The following PDE4DIP variants were observed in gnomAD, a reference collection of about 807,000 sequenced individuals.
PDE4DIP encodes phosphodiesterase 4D interacting protein.
In PDE4DIP, 59 loss-of-function variants were observed where a neutral mutation model predicts 221.4. That is an observed-to-expected ratio of 0.27 (90% CI 0.22 to 0.33). The LOEUF is 0.33. Among genes scored for constraint, PDE4DIP ranks in the 10% least tolerant of loss-of-function variants. The pLI, the probability that PDE4DIP is intolerant of heterozygous loss-of-function variation, is 1.00. For synonymous variants in PDE4DIP, 404 were observed against 815.9 expected (o/e 0.50, Z 8.60); for missense variants, 1,036 against 2,154.2 (o/e 0.48, Z 10.28).
chr1:148,952,055 G>A, intron 5 of PDE4DIP: 1 of 1,011,754 alleles, frequency 9.9e-7, no homozygotes, highest in Non-Finnish European at 1.2e-6. Context: ...CACTGTCCGA[G>A]AATGCAGGGA....
chr1:148,866,628 G>GGGA (rs1686900855), intron 2 of PDE4DIP: 1 of 39,058 alleles, frequency 2.6e-5, no homozygotes, highest in Non-Finnish European at 5.1e-5. Context: ...GAGGGAGGGA[G>GGGA]GGGGAAGGGA....
At chr1:148,929,467 T>C (rs587757674) in intron 2 of PDE4DIP, 194 bp downstream of exon 5, 1 of 714,234 alleles carries the variant, frequency 1.4e-6, no homozygotes, top group East Asian at 3.2e-5. Context: ...AGATGGACCT[T>C]GTCATAAGTT....
chr1:148,824,329 A>G (rs1470400925), intron 1 of PDE4DIP, among the ~76,000 whole-genome samples: 2 of 150,472 alleles, frequency 1.3e-5, no homozygotes, highest in Non-Finnish European at 3.0e-5. Flanking sequence ...TGCTTATAAC[A>G]TGGTAGCTTA....
intron 21 of PDE4DIP, chr1:148,982,242 C>G (rs2061240460): frequency 6.6e-6 from 1 of 152,162 alleles, no homozygotes; most frequent in African/African-American, 2.4e-5. Flanking sequence ...AATGGTCTTC[C>G]AGAGTCAGAA....
At chr1:148,994,690 C>T (rs587681880) in intron 22 of PDE4DIP, among the ~76,000 whole-genome samples, 6 of 151,728 alleles carry the variant, frequency 4.0e-5, no homozygotes, top group Admixed American at 6.6e-5. Flanking sequence ...TGAAAATTTA[C>T]TCTTATTTTG....
chr1:149,009,729 A>C, exon 30 of PDE4DIP: 1 of 1,614,058 alleles, frequency 6.2e-7, no homozygotes. Context: ...GCCTGCTCTG[A>C]CATGGACATA....
intron 17 of PDE4DIP, 29 bp from the exon 21 acceptor site, chr1:148,977,908 A>G: frequency 6.2e-7 from 1 of 1,606,660 alleles, no homozygotes; most frequent in African/African-American, 1.3e-5. Flanking sequence ...AAATGTAAAC[A>G]TGGCAGACAT....
At chr1:148,948,332 A>G (rs1553485073) in intron 5 of PDE4DIP, among the ~76,000 whole-genome samples, 1 of 152,156 alleles carries the variant, frequency 6.6e-6, no homozygotes, top group Non-Finnish European at 1.5e-5. Context: ...CCTTCCTCCA[A>G]TCATAAGTGT....
chr1:148,963,204 T>C (rs2057358097), intron 9 of PDE4DIP, among the ~76,000 whole-genome samples: 1 of 152,362 alleles, frequency 6.6e-6, no homozygotes, highest in Non-Finnish European at 1.5e-5. Context: ...TTTATTGTTA[T>C]TGTTAATCTG....
At chr1:149,019,943 A>G (rs2072116425) in intron 35 of PDE4DIP, among the ~76,000 whole-genome samples, 1 of 152,124 alleles carries the variant, frequency 6.6e-6, no homozygotes, top group Admixed American at 6.5e-5. Flanking sequence ...AGATTAAATA[A>G]GTGGCATGAA....
chr1:148,975,813 G>C (rs1210048220), intron 17 of PDE4DIP, among the ~76,000 whole-genome samples: 3 of 152,086 alleles, frequency 2.0e-5, no homozygotes, highest in Admixed American at 6.5e-5. Flanking sequence ...ATTCAGTTTA[G>C]CTAGCTAGTC....
chr1:148,822,657 G>A (rs1475287422), intron 1 of PDE4DIP, among the ~76,000 whole-genome samples: 2 of 140,010 alleles, frequency 1.4e-5, no homozygotes, highest in African/African-American at 5.1e-5. Flanking sequence ...ATTTGCTAGA[G>A]CAGCCTCATA....
intron 22 of PDE4DIP, 89 bp from the exon 26 acceptor site, chr1:148,998,053 TG>T (rs2064719074): frequency 1.4e-6 from 1 of 740,430 alleles, no homozygotes. Flanking sequence ...TGTTTGTTTT[TG>T]TTCTCATTTA....
At chr1:148,991,541 A>T (rs587656489) in intron 21 of PDE4DIP, 1 of 984,638 alleles carries the variant, frequency 1.0e-6, no homozygotes, top group Non-Finnish European at 1.2e-6. Flanking sequence ...CATATTATGG[A>T]AGAGAAAGTT....
intron 1 of PDE4DIP, among the ~76,000 whole-genome samples, chr1:148,820,721 G>T (rs868925876): frequency 2.0e-5 from 3 of 148,658 alleles, no homozygotes; most frequent in East Asian, 1.9e-4. Context: ...TTTTGGGGGG[G>T]GGGTGGCTAG....
At chr1:148,972,716 T>C in intron 16 of PDE4DIP, 124 bp downstream of exon 19, 1 of 528,904 alleles carries the variant, frequency 1.9e-6, no homozygotes, top group Non-Finnish European at 3.3e-6. Flanking sequence ...AACAAATAAG[T>C]TTGGAATTCC....
intron 37 of PDE4DIP, among the ~76,000 whole-genome samples, chr1:149,022,482 T>G (rs2073315239): frequency 6.6e-6 from 1 of 152,242 alleles, no homozygotes; most frequent in Non-Finnish European, 1.5e-5. Context: ...GAAGTTAGAT[T>G]AGAATTATCA....
chr1:148,964,073 T>TTC (rs371359875), intron 9 of PDE4DIP, among the ~76,000 whole-genome samples: 1 of 149,910 alleles, frequency 6.7e-6, no homozygotes, highest in Non-Finnish European at 1.5e-5. Flanking sequence ...CTTTCCTTCT[T>TTC]TCTCTCTCTC....
chr1:148,948,778 T>C (rs868925695), intron 5 of PDE4DIP, among the ~76,000 whole-genome samples: 2 of 151,554 alleles, frequency 1.3e-5, no homozygotes, highest in East Asian at 3.9e-4. Flanking sequence ...CAAAACAAGA[T>C]ACAGAACAGC....
Sources: gnomAD v4.1 joint callset for allele counts (sites outside exome capture counted in the v4.1 genomes callset) on GRCh38, gnomAD v4.1.1 for gene constraint, MANE v1.5 for transcripts, NCBI Gene and HGNC (gene_info 2026-07-23, HGNC 2026-07-21) for gene names.